Variants in CLIC5 observed in about 807,000 individuals in gnomAD.
CLIC5 encodes the protein chloride intracellular channel protein 5.
A neutral mutation model predicts 24.7 loss-of-function variants in CLIC5; 20 were observed. The observed-to-expected ratio is 0.81, with a 90% CI of 0.57 to 1.18. The LOEUF is 1.18. CLIC5 is among the 50% of genes most tolerant of loss of function. The pLI is 0.00. For synonymous variants in CLIC5, 159 were observed against 135.6 expected (o/e 1.17, Z -1.20); for missense variants, 341 against 326.1 (o/e 1.05, Z -0.35).
chr6:45,969,577 T>C (rs1305908698), intron 1 of CLIC5, among the ~76,000 whole-genome samples: 1 of 152,008 alleles, frequency 6.6e-6, no homozygotes, highest in Non-Finnish European at 1.5e-5. Context: ...TGGAGATGGC[T>C]GAAATCTCAG....
At chr6:45,993,426 A>G (rs1463062507) in intron 1 of CLIC5, among the ~76,000 whole-genome samples, 1 of 152,262 alleles carries the variant, frequency 6.6e-6, no homozygotes, top group Non-Finnish European at 1.5e-5. Flanking sequence ...CGAAATGCTT[A>G]GCTTTACAAA....
At chr6:45,978,236 A>G (rs909966912) in intron 1 of CLIC5, among the ~76,000 whole-genome samples, 3 of 152,208 alleles carry the variant, frequency 2.0e-5, no homozygotes, top group African/African-American at 4.8e-5. Context: ...ACCTGGTCTG[A>G]CCCATCTATG....
downstream of CLIC5, chr6:45,880,829 A>C (rs1457417673): frequency 3.6e-6 from 1 of 278,296 alleles, no homozygotes; most frequent in African/African-American, 2.2e-5. Context: ...GCCAGATCTG[A>C]GAGAGGCAGA....
chr6:45,963,476 C>G, intron 1 of CLIC5, among the ~76,000 whole-genome samples: 1 of 152,098 alleles, frequency 6.6e-6, no homozygotes, highest in East Asian at 1.9e-4. Flanking sequence ...GCCTGTGGAC[C>G]CCTTATTTTT....
chr6:46,029,369 C>T (rs1767435246), intron 1 of CLIC5, among the ~76,000 whole-genome samples: 1 of 152,090 alleles, frequency 6.6e-6, no homozygotes, highest in African/African-American at 2.4e-5. Context: ...TAACAGCAGT[C>T]CTGAGAGGTA....
chr6:45,967,036 C>T (rs2127399686), intron 1 of CLIC5, among the ~76,000 whole-genome samples: 1 of 152,340 alleles, frequency 6.6e-6, no homozygotes, highest in East Asian at 1.9e-4. Context: ...GCCATATGTA[C>T]CCAACCACAT....
chr6:45,972,146 A>G (rs1765222403), intron 1 of CLIC5, among the ~76,000 whole-genome samples: 1 of 152,216 alleles, frequency 6.6e-6, no homozygotes, highest in South Asian at 2.1e-4. Context: ...AAGGACTTTT[A>G]CTGTATAGCG....
chr6:46,081,819 T>A (rs1171625315), upstream of CLIC5, among the ~76,000 whole-genome samples: 1 of 152,202 alleles, frequency 6.6e-6, no homozygotes, highest in African/African-American at 2.4e-5. Flanking sequence ...TAGCTGTGGT[T>A]TTTGAACCTC....
chr6:46,050,856 T>TGTGTGTGTGC (rs1301984658), intron 1 of CLIC5, among the ~76,000 whole-genome samples: 2 of 150,484 alleles, frequency 1.3e-5, no homozygotes, highest in Admixed American at 1.3e-4. Context: ...TGTGTGTATG[T>TGTGTGTGTGC]GTGTGTGTGT....
chr6:46,015,927 C>A, upstream of CLIC5: 2 of 999,392 alleles, frequency 2.0e-6, no homozygotes, highest in South Asian at 4.7e-5. Context: ...CGGGCGGGGA[C>A]GCGGCGGGGA....
intron 1 of CLIC5, among the ~76,000 whole-genome samples, chr6:46,055,763 G>T (rs1768231385): frequency 3.3e-5 from 5 of 152,180 alleles, no homozygotes. Flanking sequence ...GAAGTGTTCA[G>T]CTGGAATCCT....
intron 1 of CLIC5, among the ~76,000 whole-genome samples, chr6:45,994,458 G>A (rs2127426488): frequency 6.6e-6 from 1 of 152,182 alleles, no homozygotes; most frequent in South Asian, 2.1e-4. Context: ...CATGGACACA[G>A]GGAGGGGAAC....
intron 1 of CLIC5, among the ~76,000 whole-genome samples, chr6:46,001,803 T>G (rs561255007): frequency 6.6e-6 from 1 of 152,342 alleles, no homozygotes; most frequent in Admixed American, 6.5e-5. Flanking sequence ...GAAGCCAGAT[T>G]TCGCATGTAA....
chr6:46,092,651 GTA>G, the CLIC5 span, among the ~76,000 whole-genome samples: 62 of 143,046 alleles, frequency 4.3e-4, no homozygotes, highest in East Asian at 0.012. Flanking sequence ...GTGTGTGTGT[GTA>G]TACATATCTG....
chr6:46,118,628 T>C, the CLIC5 span, among the ~76,000 whole-genome samples: 2 of 152,318 alleles, frequency 1.3e-5, no homozygotes, highest in Non-Finnish European at 2.9e-5. Flanking sequence ...TATGATTCCT[T>C]CCCTGTCTAC....
chr6:45,888,376 T>C (rs920933458), intron 6 of CLIC5, among the ~76,000 whole-genome samples: 2 of 152,230 alleles, frequency 1.3e-5, no homozygotes, highest in African/African-American at 4.8e-5. Flanking sequence ...CTATTATTTC[T>C]AGTGTTCCTA....
chr6:45,942,213 A>G (rs1345622225), intron 3 of CLIC5, among the ~76,000 whole-genome samples: 2 of 152,202 alleles, frequency 1.3e-5, no homozygotes, highest in Non-Finnish European at 2.9e-5. Context: ...CAGTAATAAC[A>G]TGCAGAAACT....
intron 1 of CLIC5, among the ~76,000 whole-genome samples, chr6:45,968,008 G>A (rs1765074364): frequency 6.6e-6 from 1 of 152,172 alleles, no homozygotes. Flanking sequence ...ATCAGTGGGT[G>A]TGCAGGGAAT....
intron 1 of CLIC5, among the ~76,000 whole-genome samples, chr6:45,973,940 A>AC (rs1042939404): frequency 3.3e-5 from 5 of 151,990 alleles, no homozygotes; most frequent in Non-Finnish European, 5.9e-5. Context: ...AAAAAAAAAA[A>AC]AGCAGAATAG....
Sources: gnomAD v4.1 joint callset for allele counts (sites outside exome capture counted in the v4.1 genomes callset) on GRCh38, gnomAD v4.1.1 for gene constraint, MANE v1.5 for transcripts, NCBI Gene and HGNC (gene_info 2026-07-23, HGNC 2026-07-21) for gene names.